Variants in NEB observed in about 807,000 individuals in gnomAD.
NEB encodes the protein nebulin, also known as nemaline myopathy type 2.
A neutral mutation model predicts 952.2 loss-of-function variants in NEB; 512 were observed. That is an observed-to-expected ratio of 0.54 (90% CI 0.50 to 0.58). The LOEUF is 0.58. Among genes scored for constraint, NEB ranks in the 20% least tolerant of loss-of-function variants. The probability of loss-of-function intolerance (pLI) is 0.00; values close to 1 mark genes in which losing one functional copy is unlikely to be tolerated. For missense variants in NEB, 8,428 were observed against 9,231.1 expected (o/e 0.91, Z 3.56); for synonymous variants, 2,900 against 3,149.8 (o/e 0.92, Z 2.66).
intron 161 of NEB, among the ~76,000 whole-genome samples, chr2:151,512,248 A>T (rs2075064778): frequency 1.3e-5 from 2 of 151,744 alleles, no homozygotes; most frequent in Admixed American, 1.3e-4. Context: ...GTTAGCCAGG[A>T]TGGTCTGGAT....
In NEB at chr2:151,541,540, T is replaced by A. The variant is rs757422187; in HGVS notation, c.20589A>T (p.Arg6863Ser). 1 of 1,613,276 alleles carries A rather than the reference T, an allele frequency of 6.2e-7. No individual in the cohort carries two copies. Among genetic ancestry groups the A allele is most frequent in the South Asian group, 1.1e-5 (1 of 91,006 alleles). ...LKTHLSELVY[R>S]AAGKKQKSIF... is the part of the protein sequence containing the mutation. The stretch of plus-strand genomic sequence containing the variant: ...TTGACTTCTGCTTCTTGCCTGCAGC[T>A]CTGTAGACCAGCTAGACATAAACCA... Residue 6863 changes from arginine (R) to serine (S), a missense_variant, in exon 136 of 182, where the codon AGA becomes AGT. Around this residue, in one of 11 missense-constraint regions of NEB, gnomAD observed 3,374 missense variants for 3,651.5 expected, o/e 0.92. Coordinates refer to ENST00000397345, the MANE Select transcript of NEB (RefSeq NM_001164508.2).
In NEB at chr2:151,493,345, G is replaced by A. The variant is rs374935839; in HGVS notation, c.24765+8C>T. 8 of 1,597,416 alleles carry A rather than the reference G, an allele frequency of 5.0e-6. No homozygotes were observed. The African/African-American group carries it at 9.4e-5, about 19-fold the overall frequency. On this transcript the variant is annotated splice_region_variant and intron_variant, in intron 176 of 181. Transcript: ENST00000397345. Reference sequence around the variant, plus strand: ...GTTGCACTATTTCTTTTTAGTCCTAGAAAATACCGAGCTAATGTTTTCTTG... The same window carrying A: ...GTTGCACTATTTCTTTTTAGTCCTAAAAAATACCGAGCTAATGTTTTCTTG...
chr2:151,627,580 G>A lies in NEB; in HGVS notation c.10086C>T (p.Cys3362=), dbSNP rs1560627086. ...GGATGACATCATTCTGGTCGGGCAGGCACGTCCACTCGTGCAGGTAGTTCT... is the reference window on the plus strand; with the variant it reads ...GGATGACATCATTCTGGTCGGGCAGACACGTCCACTCGTGCAGGTAGTTCT... ...DYKNYLHEWT[C]LPDQNDVIHA... The change falls in exon 69 of 182, where the codon TGC becomes TGT. Residue 3362 remains cysteine, a synonymous_variant. Transcript: ENST00000397345. The A allele has an allele frequency of 1.2e-6, 2 of 1,614,000 alleles. No individual in the cohort carries two copies. Among genetic ancestry groups the A allele is most frequent in the Non-Finnish European group, 1.7e-6 (2 of 1,179,882 alleles).
intron 10 of NEB, among the ~76,000 whole-genome samples, chr2:151,713,848 C>T (rs1486620201): frequency 6.6e-6 from 1 of 152,134 alleles, no homozygotes; most frequent in African/African-American, 2.4e-5. Context: ...TTGATTCTGA[C>T]AGGTGTAGTA....
intron 125 of NEB, 60 bp from the exon 126 acceptor site, chr2:151,554,085 T>C (rs940233274): frequency 5.9e-5 from 90 of 1,518,726 alleles, no homozygotes; most frequent in Middle Eastern, 3.4e-4. Context: ...ATCATGGCCA[T>C]ACATGAGAAG....
Position 151,496,307 on chromosome 2 carries a change from C to T in NEB, c.24455G>A (p.Arg8152Gln), listed in dbSNP as rs773623758. The part of the protein sequence containing the change: ...TPLAVTPEME[R>Q]VKHNQENISS... The stretch of plus-strand genomic sequence containing the variant: ...AATATTTTCTTGATTGTGTTTGACT[C>T]GCTCCATCTCGGGAGTGACAGCTAA... The change falls in exon 173 of 182, where the codon CGA becomes CAA. Residue 8152 changes from arginine (R) to glutamine (Q), a missense_variant. Arg to Gln is a conservative substitution (Grantham distance 43, BLOSUM62 1). Around this residue, in one of 11 missense-constraint regions of NEB, gnomAD observed 3,374 missense variants for 3,651.5 expected, o/e 0.92. Coordinates refer to ENST00000397345, the MANE Select transcript of NEB (RefSeq NM_001164508.2). 21 of 1,611,658 alleles carry T rather than the reference C, an allele frequency of 1.3e-5. No homozygotes were observed. The highest frequency in any genetic ancestry group is 2.2e-5 in the South Asian group (2 of 90,632).
chr2:151,553,273 T>C (rs536220078), intron 127 of NEB, 125 bp downstream of exon 127: 6 of 769,230 alleles, frequency 7.8e-6, no homozygotes, highest in South Asian at 7.7e-5. Flanking sequence ...TCCTAGCAAC[T>C]TTCTCCAGCT....
In NEB at chr2:151,618,351, T is replaced by G. The variant is rs1262770261; in HGVS notation, c.11000A>C (p.Glu3667Ala). The G allele has an allele frequency of 1.2e-6, 2 of 1,613,996 alleles. No homozygotes were observed. The highest frequency in any genetic ancestry group is 2.2e-5 in the South Asian group (2 of 91,084). Reference protein sequence around the residue: ...LSDTIYRQRPETLKFTSITDT... With the variant: ...LSDTIYRQRPATLKFTSITDT... Reference sequence around the variant, plus strand: ...CGTTATACTGGTAAATTTCAGCGTTTCTGGACGCTGACGGTAGATAGTATC... The same window carrying G: ...CGTTATACTGGTAAATTTCAGCGTTGCTGGACGCTGACGGTAGATAGTATC... The change falls in exon 74 of 182, where the codon GAA becomes GCA. Residue 3667 changes from glutamate to alanine, a missense_variant. Glu to Ala is a moderately radical substitution (Grantham distance 107). Around this residue, in one of 11 missense-constraint regions of NEB, gnomAD observed 1,772 missense variants for 1,960.3 expected, o/e 0.90. Coordinates refer to ENST00000397345, the MANE Select transcript of NEB (RefSeq NM_001164508.2).
Position 151,727,838 on chromosome 2 carries a change from TTTGGAAGTTTCTGA to T in NEB, c.133_146del (p.Ser45ThrfsTer48), listed in dbSNP as rs1321522421. On this transcript the variant is annotated frameshift_variant, in exon 5 of 182. Transcript: ENST00000397345. LOFTEE classifies it high-confidence loss of function. ...CCAGTGCTGGCTGTGCCAGAGCTGGTTTGGAAGTTTCTGATTGCTCATAGTCAGATGTCCTTGTT... is the reference window on the plus strand; with the variant it reads ...CCAGTGCTGGCTGTGCCAGAGCTGGTTTGCTCATAGTCAGATGTCCTTGTT... 2 of 1,611,220 alleles carry T rather than the reference TTTGGAAGTTTCTGA, an allele frequency of 1.2e-6. No homozygotes were observed. The highest frequency in any genetic ancestry group is 4.5e-5 in the East Asian group (2 of 44,840).
intron 46 of NEB, 118 bp downstream of exon 46, chr2:151,662,017 T>A: frequency 1.3e-6 from 1 of 780,016 alleles, no homozygotes; most frequent in Non-Finnish European, 1.9e-6. Flanking sequence ...TTTTTCTAGG[T>A]AAAATAACCT....
chr2:151,627,455 G>A, intron 69 of NEB, 68 bp downstream of exon 69: 1 of 1,572,694 alleles, frequency 6.4e-7, no homozygotes, highest in Non-Finnish European at 8.7e-7. Context: ...CCTAATGCTA[G>A]ACCACTGTCT....
intron 105 of NEB, among the ~76,000 whole-genome samples, chr2:151,577,265 C>A (rs1445174479): frequency 6.6e-6 from 1 of 152,164 alleles, no homozygotes; most frequent in Non-Finnish European, 1.5e-5. Flanking sequence ...CAGTCCCCAC[C>A]TATTCTTCCA....
intron 107 of NEB, 131 bp downstream of exon 107, chr2:151,575,564 G>C (rs1257781718): frequency 1.5e-6 from 1 of 674,624 alleles, no homozygotes; most frequent in Non-Finnish European, 2.6e-6. Flanking sequence ...TAGTCAAGGG[G>C]TGACCACAAG....
intron 181 of NEB, among the ~76,000 whole-genome samples, chr2:151,489,533 G>C (rs1254215118): frequency 6.6e-6 from 1 of 152,012 alleles, no homozygotes; most frequent in Admixed American, 6.6e-5. Flanking sequence ...TCAGTAGCTG[G>C]GGCTATAGAT....
intron 64 of NEB, among the ~76,000 whole-genome samples, chr2:151,634,698 A>T (rs1241030073): frequency 6.6e-6 from 1 of 152,088 alleles, no homozygotes; most frequent in Non-Finnish European, 1.5e-5. Flanking sequence ...TCCTGTAAGG[A>T]TCACCTGTAG....
intron 165 of NEB, among the ~76,000 whole-genome samples, chr2:151,504,728 G>A (rs911132836): frequency 5.9e-5 from 9 of 152,128 alleles, no homozygotes; most frequent in South Asian, 4.1e-4. Flanking sequence ...TAGAATCTGC[G>A]TATGGATGGG....
At position 151,541,536 on chromosome 2, in the gene NEB, C is replaced by T. The variant is rs764374310; in HGVS notation, c.20593G>A (p.Ala6865Thr). Residue 6865 changes from alanine (A) to threonine (T), a missense_variant, in exon 136 of 182, where the codon GCA becomes ACA. Around this residue, in one of 11 missense-constraint regions of NEB, gnomAD observed 3,374 missense variants for 3,651.5 expected, o/e 0.92. Coordinates refer to ENST00000397345, the MANE Select transcript of NEB (RefSeq NM_001164508.2). The part of the protein sequence containing the change: ...THLSELVYRA[A>T]GKKQKSIFTS... The stretch of plus-strand genomic sequence containing the variant: ...AAGATTGACTTCTGCTTCTTGCCTG[C>T]AGCTCTGTAGACCAGCTAGACATAA... 4 of 1,613,218 alleles carry T rather than the reference C, an allele frequency of 2.5e-6. No homozygotes were observed. The highest frequency in any genetic ancestry group is 3.3e-5 in the Admixed American group (2 of 59,998).
chr2:151,650,675 C>T lies in NEB; in HGVS notation c.7126G>A (p.Val2376Ile), dbSNP rs141155976. Residue 2376 changes from valine (V) to isoleucine (I), a missense_variant, in exon 53 of 182, where the codon GTT becomes ATT. Transcript: ENST00000397345. ...VVLAKKCQEL[V>I]SDVDYKNYLH... ...TAGTTCTTGTAGTCCACGTCACTAA[C>T]CAACTCCTGACACTTCTTGGCCAGT... 6.2e-7 allele frequency: 1 copy of T among 1,613,752 alleles called. No individual in the cohort carries two copies. Among genetic ancestry groups the T allele is most frequent in the African/African-American group, 1.3e-5 (1 of 74,924 alleles).
chr2:151,553,563 AAAAAC>A (rs778052140), intron 126 of NEB, 61 bp from the exon 127 acceptor site: 2 of 1,184,926 alleles, frequency 1.7e-6, no homozygotes, highest in Non-Finnish European at 2.5e-6. Flanking sequence ...CTTTAACACT[AAAAAC>A]AGAGGTACAT....
Sources: gnomAD v4.1 joint callset for allele counts (sites outside exome capture counted in the v4.1 genomes callset) on GRCh38, gnomAD v4.1.1 for gene constraint, gnomAD v4.1.1 regional missense constraint, MANE v1.5 for transcripts, NCBI Gene and HGNC (gene_info 2026-07-23, HGNC 2026-07-21) for gene names.